TMED8: variants seen among roughly 807,000 people sequenced by gnomAD.
TMED8 encodes the protein protein TMED8.
Under a neutral mutation model 32.7 loss-of-function variants are expected in TMED8, and 15 were observed. The ratio of observed to expected loss-of-function variants is 0.46; its 90% CI spans 0.31 to 0.71. The LOEUF (loss-of-function observed/expected upper bound fraction) is 0.71. Among genes scored for constraint, TMED8 ranks in the 30% least tolerant of loss-of-function variants. The pLI is 0.06. For synonymous variants in TMED8, 147 were observed against 161.4 expected (o/e 0.91, Z 0.68); for missense variants, 390 against 423.9 (o/e 0.92, Z 0.70).
chr14:77,346,572 C>T (rs1594841413), intron 2 of TMED8, 94 bp from the exon 3 acceptor site: 1 of 1,515,012 alleles, frequency 6.6e-7, no homozygotes, highest in East Asian at 2.3e-5. Flanking sequence ...TTCGAGATAC[C>T]CCCTGCCCCA....
chr14:77,372,958 T>G (rs1201569366), intron 1 of TMED8, among the ~76,000 whole-genome samples: 1 of 53,548 alleles, frequency 1.9e-5, no homozygotes, highest in Non-Finnish European at 3.9e-5. Context: ...ATATATTTTT[T>G]TTTTTTTTTT....
intron 1 of TMED8, among the ~76,000 whole-genome samples, chr14:77,372,929 TA>T (rs1566696320): frequency 1.6e-4 from 5 of 31,974 alleles, no homozygotes; most frequent in East Asian, 1.3e-3. Context: ...TATATATATA[TA>T]TATATATATA....
chr14:77,376,888 C>T lies in TMED8; in HGVS notation c.118+48G>A, dbSNP rs1417882087. ...CGGAGGCTCGCGCCGTGGTGCGGGG[C>T]CCTGAGGCCGGGCGGCACCCACCCG... On this transcript the variant is annotated intron_variant, in intron 1 of 5. Transcript: ENST00000216468. This position sits in a 1 kb window ranked among gnomAD's most constrained non-coding sequence, Gnocchi z 4.0. 1.0e-5 allele frequency: 12 copies of T among 1,183,824 alleles called. No homozygotes were observed. In the South Asian group the frequency reaches 1.1e-4, roughly 11 times the overall value. The allele number at this position is 1,183,824 out of a possible 1,614,324, so 73.3% of individuals were successfully genotyped here. A position where few individuals can be genotyped will look rare whatever the true frequency, so the allele number is the denominator to read the frequency against.
intron 1 of TMED8, among the ~76,000 whole-genome samples, chr14:77,365,470 C>T (rs149826827): frequency 2.0e-3 from 302 of 152,264 alleles, no homozygotes; most frequent in African/African-American, 6.5e-3. Flanking sequence ...ATGACAATTG[C>T]ACTGAATTCA....
chr14:77,345,579 G>A (rs776326179), intron 3 of TMED8, among the ~76,000 whole-genome samples: 2 of 149,908 alleles, frequency 1.3e-5, no homozygotes, highest in Non-Finnish European at 3.0e-5. Flanking sequence ...AGGATCACTC[G>A]AGCCCAGGAT....
At chr14:77,356,295 T>A (rs776559088) in intron 1 of TMED8, among the ~76,000 whole-genome samples, 2 of 152,234 alleles carry the variant, frequency 1.3e-5, no homozygotes, top group Non-Finnish European at 2.9e-5. Context: ...CCCTACCCAA[T>A]GCCCTTTCCT....
intron 1 of TMED8, among the ~76,000 whole-genome samples, chr14:77,373,899 GTCTC>G (rs370626867): frequency 1.3e-5 from 2 of 151,282 alleles, no homozygotes; most frequent in Admixed American, 6.6e-5. Context: ...ACCTCCTCCC[GTCTC>G]TCTCTCTCTC....
chr14:77,346,158 A>T (rs1325065984), intron 3 of TMED8, among the ~76,000 whole-genome samples, 191 bp downstream of exon 3: 1 of 152,162 alleles, frequency 6.6e-6, no homozygotes, highest in African/African-American at 2.4e-5. Flanking sequence ...TGCCAGTACA[A>T]TGATGGGCCC....
chr14:77,365,446 G>T lies in TMED8; in HGVS notation c.118+11490C>A, dbSNP rs933359882. ...AATTTAGGGAATAAAAGTATCAAAG[G>T]TTTCCTGAAAGAGATGACAATTGCA... is the stretch of plus-strand genomic sequence containing the variant. On this transcript the variant is annotated intron_variant, in intron 1 of 5. Transcript: ENST00000216468. 4.6e-5 allele frequency among the ~76,000 whole-genome samples: 7 copies of T among 152,166 alleles called. No homozygotes were observed. In the South Asian group the frequency reaches 1.0e-3, roughly 23 times the overall value.
At chr14:77,367,131 A>G in intron 1 of TMED8, among the ~76,000 whole-genome samples, 1 of 149,780 alleles carries the variant, frequency 6.7e-6, no homozygotes, top group East Asian at 2.0e-4. Context: ...AATCCCAGCT[A>G]CTTGGGAGGC....
intron 1 of TMED8, among the ~76,000 whole-genome samples, chr14:77,370,523 GTT>G (rs1893652255): frequency 6.6e-6 from 1 of 151,756 alleles, no homozygotes; most frequent in African/African-American, 2.4e-5. Flanking sequence ...CTCATGCCAA[GTT>G]TGTGTGTGTG....
At position 77,372,935 on chromosome 14, in the gene TMED8, TATATATATATATATATA is replaced by T. The variant is rs1216240664; in HGVS notation, c.118+3984_118+4000del. 8.4e-3 allele frequency among the ~76,000 whole-genome samples: 284 copies of T among 33,740 alleles called. 2 individuals are homozygous for T. The highest frequency in any genetic ancestry group is 0.046 in the African/African-American group (213 of 4,590). The allele number at this position is 33,740 out of a possible 152,430, so 22.1% of individuals were successfully genotyped here. On this transcript the variant is annotated intron_variant, in intron 1 of 5. Transcript: ENST00000216468. ...ATATATATATATATATATATATATA[TATATATATATATATATA>T]TTTTTTTTTTTTTTTTTTTTTTTTT...
intron 5 of TMED8, 125 bp downstream of exon 5, chr14:77,343,053 T>A: frequency 1.0e-6 from 1 of 954,388 alleles, no homozygotes; most frequent in Non-Finnish European, 1.5e-6. Context: ...CCACTCAGCT[T>A]AGCTTGTAAT....
intron 1 of TMED8, among the ~76,000 whole-genome samples, chr14:77,363,946 A>C (rs1307394159): frequency 6.6e-6 from 1 of 152,166 alleles, no homozygotes; most frequent in Non-Finnish European, 1.5e-5. Flanking sequence ...CCTTGTGCAT[A>C]TTTCATATTT....
At chr14:77,352,376 T>C (rs1893198980) in intron 1 of TMED8, among the ~76,000 whole-genome samples, 1 of 151,380 alleles carries the variant, frequency 6.6e-6, no homozygotes, top group Non-Finnish European at 1.5e-5. Context: ...ATCACACCAT[T>C]GCACTCCAGC....
At chr14:77,374,729 A>T (rs752834086) in intron 1 of TMED8, among the ~76,000 whole-genome samples, 29 of 152,250 alleles carry the variant, frequency 1.9e-4, no homozygotes, top group Non-Finnish European at 3.1e-4. Flanking sequence ...TAAACAAGCA[A>T]GAGAGATTCC....
Position 77,343,758 on chromosome 14 carries a change from T to C in TMED8, c.393A>G (p.Gly131=), listed in dbSNP as rs764908364. 128 of 1,614,000 alleles carry C rather than the reference T, an allele frequency of 7.9e-5. 2 individuals are homozygous for C. In the Admixed American group the frequency reaches 2.1e-3, roughly 26 times the overall value. Residue 131 remains glycine (G), a synonymous_variant, in exon 4 of 6, where the codon GGA becomes GGG. Transcript: ENST00000216468. ...DIVMIQSEHT[G]AIDVLSADLE... ...AATCAGCTGAAAGAACATCTATAGC[T>C]CCTGTATGTTCAGACTGGATCATAA...
At chr14:77,351,262 G>A (rs145507560) in intron 2 of TMED8, among the ~76,000 whole-genome samples, 5,264 of 150,258 alleles carry the variant, frequency 0.035, 154 homozygotes, top group Non-Finnish European at 0.056. Context: ...CGAGGTGGGC[G>A]GATCACAAGG....
intron 1 of TMED8, among the ~76,000 whole-genome samples, chr14:77,357,301 T>C (rs1195441371): frequency 6.6e-6 from 1 of 152,252 alleles, no homozygotes; most frequent in East Asian, 1.9e-4. Flanking sequence ...ATTAGGTTCA[T>C]GTTTTCAGCC....
Sources: allele counts gnomAD v4.1 joint callset (sites outside exome capture counted in the v4.1 genomes callset), GRCh38; gene constraint gnomAD v4.1.1; non-coding constraint Gnocchi (gnomAD v3.1); transcripts MANE v1.5; gene names NCBI Gene and HGNC (gene_info 2026-07-23, HGNC 2026-07-21).